The following SLC15A4 variants were observed in gnomAD, a reference collection of about 807,000 sequenced individuals.
The protein encoded by SLC15A4 is solute carrier family 15 member 4.
In SLC15A4, 26 loss-of-function variants were observed where a neutral mutation model predicts 46.1. The ratio of observed to expected loss-of-function variants is 0.56; its 90% CI spans 0.41 to 0.78. The LOEUF (loss-of-function observed/expected upper bound fraction) is 0.78. SLC15A4 is among the 30% of genes least tolerant of loss of function. SLC15A4 has a pLI of 0.00. For missense variants in SLC15A4, 751 were observed against 755.7 expected, an observed-to-expected ratio of 0.99 and a Z score of 0.07; for synonymous variants, 370 against 333.4, an observed-to-expected ratio of 1.11 and a Z score of -1.20.
rs1182944546 is a variant in SLC15A4 at position 128,812,615 on chromosome 12, C to A, written c.842+2160G>T. On this transcript the variant is annotated intron_variant, in intron 2 of 7. Transcript: ENST00000266771. ...ACGGGCTTGAGCCACCACGCCCAGCCTGGAGGCCCACCTTTTTTAAGGCAC... is the reference window on the plus strand; with the variant it reads ...ACGGGCTTGAGCCACCACGCCCAGCATGGAGGCCCACCTTTTTTAAGGCAC... 2.6e-5 allele frequency among the ~76,000 whole-genome samples: 4 copies of A among 152,196 alleles called. 1 individual carries two copies. The highest frequency in any genetic ancestry group is 5.9e-5 in the Non-Finnish European group (4 of 68,042).
rs1475744419 is a variant in SLC15A4, at chr12:128,815,026, C to A, written c.591G>T (p.Trp197Cys). The change falls in exon 2 of 8, where the codon TGG (tryptophan) becomes TGT (cysteine). Residue 197 changes from tryptophan (W) to cysteine (C), a missense_variant. Transcript: ENST00000266771. ...GPEATRRFFN[W>C]FYWSINLGAI... ...CTCCCAGGTTAATGCTCCAATAAAA[C>A]CAATTAAAAAATCTCCTAGTGGCTT... is the stretch of plus-strand genomic sequence containing the variant. The A allele has an allele frequency of 6.2e-7, 1 of 1,612,788 alleles. No homozygotes were observed. Among genetic ancestry groups the A allele is most frequent in the Non-Finnish European group, 8.5e-7 (1 of 1,178,982 alleles).
rs1955409711 is a variant in SLC15A4, at chr12:128,793,635, A to ATT, written c.*560_*561insAA. Reference sequence around the variant, plus strand: ...GATGAAATGTGTTTACTACCAGCCTAAATCAAAGAACATGGCAAGAGCAAG... The same window carrying ATT: ...GATGAAATGTGTTTACTACCAGCCTATTAATCAAAGAACATGGCAAGAGCAAG... On this transcript the variant is annotated 3_prime_UTR_variant, in exon 8 of 8. Transcript: ENST00000266771. 6.6e-6 allele frequency: 1 copy of ATT among 152,222 alleles called. No individual in the cohort carries two copies. 9.4% of individuals were successfully genotyped at this position (152,222 alleles called of 1,614,324 possible).
chr12:128,804,977 T>C (rs1216604916), intron 5 of SLC15A4, among the ~76,000 whole-genome samples: 2 of 152,192 alleles, frequency 1.3e-5, no homozygotes, highest in Non-Finnish European at 1.5e-5. Context: ...ACGTGCTCAA[T>C]GACACAGCTG....
intron 3 of SLC15A4, chr12:128,809,716 G>GA: frequency 3.7e-6 from 2 of 541,406 alleles, no homozygotes; most frequent in South Asian, 2.9e-5. Context: ...AGAGGGGCCT[G>GA]AAAAACCAGA....
chr12:128,810,385 T>C (rs1955641493), intron 2 of SLC15A4: 3 of 403,374 alleles, frequency 7.4e-6, no homozygotes, highest in Non-Finnish European at 1.4e-5. Context: ...GTGATGACAG[T>C]GTGAACCACG....
chr12:128,799,084 T>C, intron 7 of SLC15A4, among the ~76,000 whole-genome samples, 175 bp downstream of exon 7: 1 of 152,002 alleles, frequency 6.6e-6, no homozygotes, highest in East Asian at 1.9e-4. Flanking sequence ...GTTCATGATG[T>C]AAGGAAACAC....
At position 128,800,783 on chromosome 12, in the gene SLC15A4, G is replaced by T. The variant is rs1391997586; in HGVS notation, c.1414+71C>A. 4.1e-6 allele frequency: 6 copies of T among 1,472,938 alleles called. No individual in the cohort carries two copies. The Admixed American group carries it at 1.3e-4, about 33-fold the overall frequency. 91.2% of individuals were successfully genotyped at this position (1,472,938 alleles called of 1,614,324 possible). ...ATCCTTGTCTCAACATATTCCAACA[G>T]CACAGTCAGAATGCCCGAGCGCTCA... On this transcript the variant is annotated intron_variant, in intron 6 of 7. Coordinates refer to ENST00000266771, the MANE Select transcript of SLC15A4 (RefSeq NM_145648.4).
chr12:128,804,662 G>A (rs1176151480), intron 5 of SLC15A4, among the ~76,000 whole-genome samples: 9 of 152,184 alleles, frequency 5.9e-5, no homozygotes, highest in East Asian at 5.8e-4. Context: ...CCAGGGAGGC[G>A]GACGTTGCAG....
At chr12:128,794,451 A>T in intron 7 of SLC15A4, 95 bp from the exon 8 acceptor site, 1 of 1,214,782 alleles carries the variant, frequency 8.2e-7, no homozygotes, top group Admixed American at 2.6e-5. Context: ...CTAAGGTTTA[A>T]CTGGAGTCAT....
intron 5 of SLC15A4, among the ~76,000 whole-genome samples, chr12:128,802,399 C>CA (rs1313349156): frequency 6.6e-6 from 1 of 152,180 alleles, no homozygotes; most frequent in Non-Finnish European, 1.5e-5. Flanking sequence ...CCAAGGTCCT[C>CA]AGCTCCCACC....
At position 128,809,474 on chromosome 12, in the gene SLC15A4, C is replaced by T; in HGVS notation, c.1012-1G>A. Reference sequence around the variant, plus strand: ...TCTGTAAAACATATGTTGTCTGCATCTAGGTATAAAAAACAGTATCATTAT... The same window carrying T: ...TCTGTAAAACATATGTTGTCTGCATTTAGGTATAAAAAACAGTATCATTAT... On this transcript the variant is annotated splice_acceptor_variant, in intron 3 of 7. Transcript: ENST00000266771. LOFTEE classifies it high-confidence loss of function. 1 of 1,597,426 alleles carries T rather than the reference C, an allele frequency of 6.3e-7. No individual in the cohort carries two copies. The highest frequency in any genetic ancestry group is 8.5e-7 in the Non-Finnish European group (1 of 1,171,116).
intron 6 of SLC15A4, among the ~76,000 whole-genome samples, chr12:128,799,946 A>G (rs915937408): frequency 6.6e-6 from 1 of 152,114 alleles, no homozygotes; most frequent in Non-Finnish European, 1.5e-5. Flanking sequence ...GGTTCAAGCG[A>G]TTCTCCTGCC....
At chr12:128,814,643 G>A in intron 2 of SLC15A4, 132 bp downstream of exon 2, 2 of 908,584 alleles carry the variant, frequency 2.2e-6, no homozygotes, top group South Asian at 3.3e-5. Context: ...CAGTGTTAAA[G>A]GAGAGAAGAC....
At chr12:128,799,534 AGACAGG>A in intron 6 of SLC15A4, 117 bp from the exon 7 acceptor site, 1 of 1,047,676 alleles carries the variant, frequency 9.5e-7, no homozygotes, top group Non-Finnish European at 1.4e-6. Flanking sequence ...TGAGTCCTGC[AGACAGG>A]CACAACCTCT....
At chr12:128,809,610 A>C (rs1175147685) in intron 3 of SLC15A4, 137 bp from the exon 4 acceptor site, 1 of 623,078 alleles carries the variant, frequency 1.6e-6, no homozygotes, top group East Asian at 2.7e-5. Flanking sequence ...TCAAGTTTGA[A>C]AACAGACAGG....
rs942446529 is a variant in SLC15A4, at chr12:128,814,920, C to G, written c.697G>C (p.Val233Leu). The change falls in exon 2 of 8, where the codon GTC becomes CTC. Residue 233 changes from valine (V) to leucine (L), a missense_variant. Transcript: ENST00000266771. ...AGGAAGACCACAAAAGCAAGGCCGA[C>G]GCAGACAGTGGGGATCGCATAACCA... Reference protein sequence around the residue: ...VTGYAIPTVCVGLAFVVFLCG... With the variant: ...VTGYAIPTVCLGLAFVVFLCG... The G allele has an allele frequency of 6.2e-7, 1 of 1,614,072 alleles. No individual in the cohort carries two copies. Among genetic ancestry groups the G allele is most frequent in the African/African-American group, 1.3e-5 (1 of 74,924 alleles).
At chr12:128,799,212 TCCCC>T (rs1181778248) in intron 7 of SLC15A4, 43 bp downstream of exon 7, 4 of 1,605,124 alleles carry the variant, frequency 2.5e-6, no homozygotes, top group Non-Finnish European at 3.4e-6. Flanking sequence ...TGCCTGCGCC[TCCCC>T]CTCACTGGCT....
chr12:128,820,569 T>C (rs925382768), intron 1 of SLC15A4, among the ~76,000 whole-genome samples: 4 of 152,238 alleles, frequency 2.6e-5, no homozygotes, highest in African/African-American at 9.6e-5. Flanking sequence ...CTCAGTCACA[T>C]ACAAGCTGTG....
intron 1 of SLC15A4, among the ~76,000 whole-genome samples, chr12:128,817,675 G>A (rs961714754): frequency 6.6e-6 from 1 of 152,200 alleles, no homozygotes; most frequent in Non-Finnish European, 1.5e-5. Flanking sequence ...ACCTTAAAAT[G>A]CCATTCATCC....
Sources: gnomAD v4.1 joint callset for allele counts (sites outside exome capture counted in the v4.1 genomes callset) on GRCh38, gnomAD v4.1.1 for gene constraint, MANE v1.5 for transcripts, NCBI Gene and HGNC (gene_info 2026-07-23, HGNC 2026-07-21) for gene names.